TMC1: variants seen among roughly 807,000 people sequenced by gnomAD.
TMC1 encodes transmembrane channel-like protein 1.
Under a neutral mutation model 105.8 loss-of-function variants are expected in TMC1, and 84 were observed. The ratio of observed to expected loss-of-function variants is 0.79; its 90% confidence interval spans 0.67 to 0.95. The LOEUF (loss-of-function observed/expected upper bound fraction) is 0.95, where lower values mean the gene tolerates loss of function less well. TMC1 is among the 40% of genes least tolerant of loss of function. The pLI is 0.00. For missense variants in TMC1, 817 were observed against 914.1 expected (o/e 0.89, Z 1.37); for synonymous variants, 315 against 311.5 (o/e 1.01, Z -0.12).
chr9:72,821,866 G>C (rs1318451027), intron 20 of TMC1, among the ~76,000 whole-genome samples: 1 of 152,180 alleles, frequency 6.6e-6, no homozygotes, highest in Non-Finnish European at 1.5e-5. Flanking sequence ...ACCTAGGAAA[G>C]AGAATTATTA....
chr9:72,758,473 A>G (rs913792479), intron 12 of TMC1, among the ~76,000 whole-genome samples: 3 of 152,368 alleles, frequency 2.0e-5, no homozygotes, highest in South Asian at 4.1e-4. Flanking sequence ...GTCACTGGTA[A>G]TAAGACATTA....
chr9:72,804,767 A>G (rs1249936832), intron 17 of TMC1, among the ~76,000 whole-genome samples: 1 of 152,216 alleles, frequency 6.6e-6, no homozygotes, highest in Non-Finnish European at 1.5e-5. Context: ...CTAGTTCACC[A>G]CACTCACCAA....
chr9:72,772,656 T>C (rs1827949736), intron 13 of TMC1, 101 bp downstream of exon 13: 1 of 1,456,626 alleles, frequency 6.9e-7, no homozygotes, highest in Admixed American at 1.7e-5. Flanking sequence ...ATTTTATGTC[T>C]AAAGGAAACA....
At chr9:72,587,787 A>ATT (rs1305772110) in intron 2 of TMC1, among the ~76,000 whole-genome samples, 7 of 142,116 alleles carry the variant, frequency 4.9e-5, no homozygotes, top group Non-Finnish European at 7.8e-5. Flanking sequence ...TTAATTTTTA[A>ATT]TTTTTTTTTT....
At chr9:72,550,735 G>A (rs1392072785) in intron 1 of TMC1, among the ~76,000 whole-genome samples, 6 of 151,840 alleles carry the variant, frequency 4.0e-5, no homozygotes, top group Admixed American at 1.3e-4. Context: ...GCTGGTGGGT[G>A]TGGTAGGCAG....
At chr9:72,540,497 C>T (rs1352208210) in intron 1 of TMC1, among the ~76,000 whole-genome samples, 1 of 110,190 alleles carries the variant, frequency 9.1e-6, no homozygotes, top group Non-Finnish European at 1.8e-5. Flanking sequence ...TTTCCTCGTT[C>T]TGACTTTTTT....
intron 20 of TMC1, among the ~76,000 whole-genome samples, chr9:72,824,984 G>T (rs1210351788): frequency 6.6e-6 from 1 of 152,216 alleles, no homozygotes; most frequent in Non-Finnish European, 1.5e-5. Context: ...AGTATTAAAA[G>T]TTAAAATTAT....
chr9:72,563,766 G>T (rs1404084435), intron 1 of TMC1, among the ~76,000 whole-genome samples: 1 of 151,952 alleles, frequency 6.6e-6, no homozygotes, highest in East Asian at 1.9e-4. Flanking sequence ...TGGGCATGGT[G>T]GCGGGTGCCT....
chr9:72,826,960 C>T lies in TMC1; in HGVS notation c.2095C>T (p.Pro699Ser), dbSNP rs745477868. 1 of 1,614,012 alleles carries T rather than the reference C, an allele frequency of 6.2e-7. No individual in the cohort carries two copies. The stretch of plus-strand genomic sequence containing the variant: ...GAAGATCTTGAGACAGCTTTCAAAC[C>T]CTGGGCTGGTCATTGCTGTCATTTT... The part of the protein sequence containing the change: ...MAKILRQLSN[P>S]GLVIAVILVM... Residue 699 changes from proline to serine, a missense_variant, in exon 21 of 24, where the codon CCT becomes TCT. By Grantham distance (74) the Pro-to-Ser change is moderately conservative (BLOSUM62 -1). Transcript: ENST00000297784.
rs570500013 is a variant in TMC1, at chr9:72,777,615, C to T, written c.884+5060C>T. On this transcript the variant is annotated intron_variant, in intron 13 of 23. Transcript: ENST00000297784. The stretch of plus-strand genomic sequence containing the variant: ...CAGAAAAGCAACGAGGTATGAAAGA[C>T]ATGAAGTCACCACCTTCCATTTTAT... 5.3e-5 allele frequency among the ~76,000 whole-genome samples: 8 copies of T among 152,334 alleles called. No homozygotes were observed. In the East Asian group the frequency reaches 1.5e-3, roughly 29 times the overall value.
At chr9:72,603,848 GTTTTTTTTTTTTT>G (rs534608884) in intron 2 of TMC1, among the ~76,000 whole-genome samples, 28 of 74,000 alleles carry the variant, frequency 3.8e-4, no homozygotes, top group East Asian at 1.4e-3. Context: ...GCGACCGGCT[GTTTTTTTTTTTTT>G]TTTTTTTTTT....
chr9:72,825,213 A>G (rs1167753255), intron 20 of TMC1, among the ~76,000 whole-genome samples: 1 of 152,214 alleles, frequency 6.6e-6, no homozygotes, highest in Admixed American at 6.5e-5. Flanking sequence ...AAGTCCATGC[A>G]TTAAGCATTG....
intron 13 of TMC1, among the ~76,000 whole-genome samples, chr9:72,784,321 GA>G (rs755884758): frequency 6.6e-6 from 1 of 152,060 alleles, no homozygotes; most frequent in Non-Finnish European, 1.5e-5. Flanking sequence ...AGCATATAAA[GA>G]ATTACTCAAC....
At chr9:72,626,431 A>G (rs1385652074) in intron 3 of TMC1, among the ~76,000 whole-genome samples, 1 of 152,172 alleles carries the variant, frequency 6.6e-6, no homozygotes, top group Non-Finnish European at 1.5e-5. Context: ...TGAGTGGATG[A>G]CATCACCTGA....
intron 1 of TMC1, among the ~76,000 whole-genome samples, chr9:72,574,918 G>A (rs373254012): frequency 1.3e-5 from 2 of 152,112 alleles, no homozygotes; most frequent in East Asian, 1.9e-4. Context: ...CTCCTAGAAA[G>A]TCAGGACCAG....
At chr9:72,801,050 A>G (rs1828462036) in intron 17 of TMC1, among the ~76,000 whole-genome samples, 1 of 152,202 alleles carries the variant, frequency 6.6e-6, no homozygotes, top group Non-Finnish European at 1.5e-5. Flanking sequence ...TGAGAGCATT[A>G]CAGATGTTTC....
At chr9:72,588,775 ATT>A (rs34222467) in intron 2 of TMC1, among the ~76,000 whole-genome samples, 35 of 141,556 alleles carry the variant, frequency 2.5e-4, no homozygotes, top group African/African-American at 3.1e-4. Context: ...GAAAAACAAG[ATT>A]TTTTTTTTTT....
chr9:72,663,161 C>G (rs974015408), intron 5 of TMC1, among the ~76,000 whole-genome samples: 3 of 152,058 alleles, frequency 2.0e-5, no homozygotes, highest in African/African-American at 7.2e-5. Context: ...GTTGGAGATA[C>G]AATCATAGGG....
intron 1 of TMC1, among the ~76,000 whole-genome samples, chr9:72,554,859 A>G (rs1253529218): frequency 6.6e-6 from 1 of 152,100 alleles, no homozygotes; most frequent in Non-Finnish European, 1.5e-5. Context: ...ATTCCTAAAT[A>G]TTTTTGAATT....
Sources: gnomAD v4.1 joint callset for allele counts (sites outside exome capture counted in the v4.1 genomes callset) on GRCh38, gnomAD v4.1.1 for gene constraint, MANE v1.5 for transcripts, NCBI Gene and HGNC (gene_info 2026-07-23, HGNC 2026-07-21) for gene names.